Variants in LIN28B observed in about 807,000 individuals in gnomAD.
The protein encoded by LIN28B is lin-28 RNA binding posttranscriptional regulator B.
LIN28B carries 5 observed loss-of-function variants against 21.9 expected under a neutral mutation model. The observed-to-expected ratio is 0.23, with a 90% CI of 0.12 to 0.48. LIN28B has a LOEUF of 0.48. Ranked by LOEUF, LIN28B falls within the 20% of genes least tolerant of loss-of-function variation. LIN28B has a pLI of 0.98. For synonymous variants in LIN28B, 109 were observed against 111.3 expected (o/e 0.98, Z 0.13); for missense variants, 245 against 310.5 (o/e 0.79, Z 1.58).
chr6:105,049,024 T>C (rs1771834673), intron 3 of LIN28B, among the ~76,000 whole-genome samples: 1 of 152,246 alleles, frequency 6.6e-6, no homozygotes. Flanking sequence ...CCTTCAGTTC[T>C]GCTCTGATCT....
intron 2 of LIN28B, among the ~76,000 whole-genome samples, chr6:104,970,930 A>G (rs563043545): frequency 5.2e-4 from 79 of 152,286 alleles, no homozygotes; most frequent in Non-Finnish European, 9.0e-4. Flanking sequence ...ATAAAGTTAA[A>G]TGAGGATAAG....
Position 104,960,351 on chromosome 6 carries a change from T to C in LIN28B, c.198+2065T>C, listed in dbSNP as rs977012348. Among the ~76,000 whole-genome samples, 6 of 152,168 alleles carry C rather than the reference T, an allele frequency of 3.9e-5. No individual in the cohort carries two copies. In the East Asian group the frequency reaches 7.7e-4, roughly 19 times the overall value. The stretch of plus-strand genomic sequence containing the variant: ...ACAGGTATTATGTGTGCATCACTTA[T>C]GGAATAAGGTTGCAATTCAAGACGA... On this transcript the variant is annotated intron_variant, in intron 2 of 3. Coordinates refer to ENST00000345080, the MANE Select transcript of LIN28B (RefSeq NM_001004317.4).
chr6:104,951,365 G>A (rs1460219011), intron 3 of LIN28B, among the ~76,000 whole-genome samples: 2 of 152,040 alleles, frequency 1.3e-5, no homozygotes, highest in Non-Finnish European at 2.9e-5. Flanking sequence ...GTTGGATGAG[G>A]AAACCATGAT....
At chr6:104,946,377 A>C (rs1469233401) in intron 2 of LIN28B, among the ~76,000 whole-genome samples, 1 of 152,144 alleles carries the variant, frequency 6.6e-6, no homozygotes, top group African/African-American at 2.4e-5. Flanking sequence ...AAATTGCAAA[A>C]TAATTTATCC....
chr6:105,059,219 AT>A (rs36072589), intron 3 of LIN28B, among the ~76,000 whole-genome samples: 113,781 of 150,210 alleles, frequency 0.76, 44,164 homozygotes, highest in Non-Finnish European at 0.85. Flanking sequence ...ATATATATGT[AT>A]TTTTTTTTTT....
At chr6:105,010,184 C>T (rs997296145) in intron 2 of LIN28B, among the ~76,000 whole-genome samples, 7 of 151,072 alleles carry the variant, frequency 4.6e-5, no homozygotes, top group South Asian at 2.1e-4. Flanking sequence ...GACGAAACCC[C>T]GTGTCTACAA....
At chr6:105,047,594 T>C (rs1374433550) in intron 3 of LIN28B, among the ~76,000 whole-genome samples, 1 of 152,218 alleles carries the variant, frequency 6.6e-6, no homozygotes, top group Non-Finnish European at 1.5e-5. Flanking sequence ...ATTGAATCTA[T>C]AAATTACCTT....
chr6:105,012,511 C>T (rs1016573826), intron 2 of LIN28B, among the ~76,000 whole-genome samples: 3 of 151,290 alleles, frequency 2.0e-5, no homozygotes, highest in African/African-American at 7.3e-5. Flanking sequence ...AAAACCCTAT[C>T]GTTTGTTTCT....
intron 2 of LIN28B, among the ~76,000 whole-genome samples, chr6:105,004,257 C>CA (rs772708100): frequency 1.0e-3 from 159 of 152,336 alleles, no homozygotes; most frequent in Non-Finnish European, 1.7e-3. Flanking sequence ...CCTTTGGCAA[C>CA]ACCCTCACAG....
intron 2 of LIN28B, among the ~76,000 whole-genome samples, chr6:104,963,212 A>G (rs1351113125): frequency 2.6e-5 from 4 of 151,968 alleles, no homozygotes; most frequent in African/African-American, 9.7e-5. Context: ...ACGCCCGGCT[A>G]ATTTTTTGTA....
At chr6:105,038,065 G>A in intron 3 of LIN28B, among the ~76,000 whole-genome samples, 1 of 152,032 alleles carries the variant, frequency 6.6e-6, no homozygotes. Context: ...CTTTTTAAAA[G>A]AAGGTACAAA....
chr6:105,032,669 T>A (rs549502061), intron 3 of LIN28B, among the ~76,000 whole-genome samples: 1 of 151,798 alleles, frequency 6.6e-6, no homozygotes, highest in Non-Finnish European at 1.5e-5. Flanking sequence ...ATGCAGTGGG[T>A]CGTGATCAGT....
chr6:104,992,593 C>T (rs1421421673), intron 2 of LIN28B, among the ~76,000 whole-genome samples: 2 of 151,692 alleles, frequency 1.3e-5, no homozygotes, highest in Non-Finnish European at 2.9e-5. Context: ...TCAGCCTTAA[C>T]TTCCCAGGCT....
intron 2 of LIN28B, among the ~76,000 whole-genome samples, chr6:104,977,812 C>T (rs574585266): frequency 6.6e-5 from 10 of 152,234 alleles, no homozygotes; most frequent in Admixed American, 2.0e-4. Context: ...ATGATACCCC[C>T]GCCTTGGCCT....
chr6:104,998,417 GTTTAA>G lies in LIN28B; in HGVS notation c.199-27877_199-27873del, dbSNP rs141331806. Reference sequence around the variant, plus strand: ...TTCCAAAATAATTTAGGATTAGCTGGTTTAATTTTATTCTTTGTATAATAGTTTAT... The same window carrying G: ...TTCCAAAATAATTTAGGATTAGCTGGTTTTATTCTTTGTATAATAGTTTAT... On this transcript the variant is annotated intron_variant, in intron 2 of 3. Coordinates refer to ENST00000345080, the MANE Select transcript of LIN28B (RefSeq NM_001004317.4). Among the ~76,000 whole-genome samples the G allele has an allele frequency of 7.1e-3, 1,076 of 152,136 alleles. 11 individuals carry two copies. Among genetic ancestry groups the G allele is most frequent in the African/African-American group, 0.024 (996 of 41,532 alleles).
At chr6:105,027,202 C>CA (rs1342068258) in intron 3 of LIN28B, among the ~76,000 whole-genome samples, 3 of 151,784 alleles carry the variant, frequency 2.0e-5, no homozygotes, top group Non-Finnish European at 4.4e-5. Context: ...AAATCTGGAT[C>CA]AAAAAAATAT....
In LIN28B at chr6:105,019,390, G is replaced by A. The variant is rs138290060; in HGVS notation, c.199-6908G>A. 6.5e-3 allele frequency among the ~76,000 whole-genome samples: 984 copies of A among 152,276 alleles called. 10 individuals carry two copies. Among genetic ancestry groups the A allele is most frequent in the African/African-American group, 0.023 (945 of 41,544 alleles). On this transcript the variant is annotated intron_variant, in intron 2 of 3. Transcript: ENST00000345080. ...GTCTTCTCATTGTCAGAATGAATAG[G>A]GGTGTATGCACAGGATCCAATATTT...
chr6:104,975,456 A>G (rs996040259), intron 2 of LIN28B, among the ~76,000 whole-genome samples: 6 of 152,150 alleles, frequency 3.9e-5, no homozygotes, highest in Non-Finnish European at 8.8e-5. Context: ...CCAGTTTGCC[A>G]CCATTTTTTC....
At chr6:105,010,330 T>G (rs1043564562) in intron 2 of LIN28B, among the ~76,000 whole-genome samples, 6 of 145,810 alleles carry the variant, frequency 4.1e-5, no homozygotes, top group African/African-American at 1.3e-4. Context: ...GCTACTACAC[T>G]CCAGCCTGGG....
Sources: allele counts gnomAD v4.1 joint callset (sites outside exome capture counted in the v4.1 genomes callset), GRCh38; gene constraint gnomAD v4.1.1; transcripts MANE v1.5; gene names NCBI Gene and HGNC (gene_info 2026-07-23, HGNC 2026-07-21).